The following GALNTL6 variants were observed in gnomAD, a reference collection of about 807,000 sequenced individuals.
The protein encoded by GALNTL6 is polypeptide N-acetylgalactosaminyltransferase like 6.
In GALNTL6, 46 loss-of-function variants were observed where a neutral mutation model predicts 73.7. The ratio of observed to expected loss-of-function variants is 0.62; its 90% CI spans 0.49 to 0.80. GALNTL6 has a LOEUF of 0.80. Among genes scored for constraint, GALNTL6 ranks in the 30% least tolerant of loss-of-function variants. The pLI is 0.00. For missense variants in GALNTL6, 604 were observed against 755.0 expected (o/e 0.80, Z 2.34); for synonymous variants, 259 against 263.7 (o/e 0.98, Z 0.17).
intron 5 of GALNTL6, among the ~76,000 whole-genome samples, chr4:172,716,615 A>G (rs1028156519): frequency 6.6e-6 from 1 of 152,160 alleles, no homozygotes; most frequent in African/African-American, 2.4e-5. Flanking sequence ...ACCACTTTAC[A>G]TTGTCACAGA....
chr4:172,301,422 C>T (rs1262232086), intron 3 of GALNTL6, among the ~76,000 whole-genome samples: 2 of 152,150 alleles, frequency 1.3e-5, no homozygotes, highest in African/African-American at 4.8e-5. Flanking sequence ...GAGCTATGTT[C>T]CTTTGGAGGA....
At chr4:172,473,653 T>C (rs1339706544) in intron 5 of GALNTL6, among the ~76,000 whole-genome samples, 1 of 152,212 alleles carries the variant, frequency 6.6e-6, no homozygotes, top group Non-Finnish European at 1.5e-5. Flanking sequence ...GTTTTCCTCC[T>C]ATGTCTGTAG....
At chr4:172,287,726 C>T (rs1292824669) in intron 3 of GALNTL6, among the ~76,000 whole-genome samples, 1 of 152,016 alleles carries the variant, frequency 6.6e-6, no homozygotes, top group Non-Finnish European at 1.5e-5. Context: ...CATTGTTAAG[C>T]CTTTCTCCTG....
At chr4:172,031,800 C>A (rs1741778477) in intron 2 of GALNTL6, among the ~76,000 whole-genome samples, 1 of 151,828 alleles carries the variant, frequency 6.6e-6, no homozygotes, top group South Asian at 2.1e-4. Context: ...AATCTTAATT[C>A]CAGTTCTTTT....
intron 2 of GALNTL6, among the ~76,000 whole-genome samples, chr4:172,171,638 A>G (rs969953630): frequency 2.0e-5 from 3 of 150,700 alleles, no homozygotes; most frequent in African/African-American, 4.9e-5. Context: ...AGAGCAGCCC[A>G]GGCAACATGG....
chr4:172,931,940 A>C (rs190662769), intron 9 of GALNTL6, among the ~76,000 whole-genome samples: 101 of 152,304 alleles, frequency 6.6e-4, no homozygotes, highest in Admixed American at 1.2e-3. Flanking sequence ...TAATCCTGAC[A>C]ATTTCTCTGC....
intron 10 of GALNTL6, among the ~76,000 whole-genome samples, chr4:172,998,334 C>T (rs1286852762): frequency 6.6e-6 from 1 of 152,178 alleles, no homozygotes; most frequent in East Asian, 1.9e-4. Flanking sequence ...TAGTATGTTG[C>T]ATTTATATGC....
At chr4:171,998,783 A>C (rs1248661117) in intron 2 of GALNTL6, among the ~76,000 whole-genome samples, 3 of 152,218 alleles carry the variant, frequency 2.0e-5, no homozygotes, top group Non-Finnish European at 2.9e-5. Context: ...TCTTACAAAC[A>C]AAAGTAGAAG....
chr4:172,525,469 A>C (rs1324497630), intron 5 of GALNTL6, among the ~76,000 whole-genome samples: 1 of 152,124 alleles, frequency 6.6e-6, no homozygotes, highest in Non-Finnish European at 1.5e-5. Context: ...CGTGGTTTTA[A>C]ACTTTTTTTA....
chr4:172,737,404 G>A (rs59568610), intron 5 of GALNTL6, among the ~76,000 whole-genome samples: 3,272 of 151,868 alleles, frequency 0.022, 112 homozygotes, highest in African/African-American at 0.074. Flanking sequence ...CCACTGTTAA[G>A]AGCCTCTAAT....
chr4:172,835,866 T>C (rs941489627), intron 7 of GALNTL6, among the ~76,000 whole-genome samples: 4 of 152,182 alleles, frequency 2.6e-5, no homozygotes, highest in Admixed American at 1.3e-4. Flanking sequence ...GTTTGAACAT[T>C]TTCCCACAGG....
intron 2 of GALNTL6, among the ~76,000 whole-genome samples, chr4:172,193,661 G>T (rs1490144191): frequency 1.3e-5 from 2 of 152,086 alleles, no homozygotes; most frequent in Non-Finnish European, 2.9e-5. Context: ...AGGAGATCTA[G>T]ACCATCCTGG....
chr4:172,959,675 G>A (rs1251797029), intron 10 of GALNTL6, among the ~76,000 whole-genome samples: 1 of 152,130 alleles, frequency 6.6e-6, no homozygotes, highest in Non-Finnish European at 1.5e-5. Flanking sequence ...GTCAGTCAGA[G>A]AGCCTTGGGC....
intron 2 of GALNTL6, among the ~76,000 whole-genome samples, chr4:172,117,861 A>G (rs1022490623): frequency 6.6e-6 from 1 of 152,168 alleles, no homozygotes; most frequent in African/African-American, 2.4e-5. Flanking sequence ...ACTAAACTAA[A>G]ATGAAAAAAA....
intron 5 of GALNTL6, among the ~76,000 whole-genome samples, chr4:172,579,643 T>C (rs1189296858): frequency 6.6e-6 from 1 of 152,160 alleles, no homozygotes; most frequent in Non-Finnish European, 1.5e-5. Context: ...CTGGGAATAA[T>C]TGACTTAGAA....
intron 2 of GALNTL6, among the ~76,000 whole-genome samples, chr4:172,060,913 C>T (rs762088250): frequency 6.6e-5 from 10 of 152,132 alleles, no homozygotes; most frequent in Non-Finnish European, 1.2e-4. Context: ...ATAAAAATTA[C>T]ACCATATTAC....
chr4:172,780,018 T>G (rs1371192080), intron 5 of GALNTL6, among the ~76,000 whole-genome samples: 4 of 152,134 alleles, frequency 2.6e-5, no homozygotes. Context: ...AGTGAAACAT[T>G]GGTGCAAAAT....
intron 2 of GALNTL6, among the ~76,000 whole-genome samples, chr4:171,861,208 A>T (rs529127822): frequency 1.9e-4 from 29 of 152,296 alleles, no homozygotes; most frequent in African/African-American, 6.3e-4. Context: ...GTATGAAGAG[A>T]GAGTTTACCT....
At chr4:172,598,405 T>C (rs1579227264) in intron 5 of GALNTL6, among the ~76,000 whole-genome samples, 5 of 152,268 alleles carry the variant, frequency 3.3e-5, no homozygotes, top group Admixed American at 3.3e-4. Flanking sequence ...AATGAGGACC[T>C]TCGAGATAAC....
Sources: allele counts gnomAD v4.1 joint callset (sites outside exome capture counted in the v4.1 genomes callset), GRCh38; gene constraint gnomAD v4.1.1; transcripts MANE v1.5; gene names NCBI Gene and HGNC (gene_info 2026-07-23, HGNC 2026-07-21).